The following KAZN variants were observed in gnomAD, a reference collection of about 807,000 sequenced individuals.
KAZN encodes kazrin, periplakin interacting protein.
In KAZN, 40 loss-of-function variants were observed where a neutral mutation model predicts 87.4. The observed-to-expected ratio is 0.46, with a 90% CI of 0.36 to 0.60. The LOEUF (loss-of-function observed/expected upper bound fraction) is 0.60, where lower values mean the gene tolerates loss of function less well. Ranked by LOEUF, KAZN falls within the 20% of genes least tolerant of loss-of-function variation. KAZN has a pLI of 0.00. For missense variants in KAZN, 898 were observed against 1,073.9 expected (o/e 0.84, Z 2.29); for synonymous variants, 466 against 458.3 (o/e 1.02, Z -0.22).
At chr1:14,182,178 G>T (rs11578035) in intron 2 of KAZN, among the ~76,000 whole-genome samples, 44,653 of 151,848 alleles carry the variant, frequency 0.29, 6,904 homozygotes, top group East Asian at 0.47. Context: ...ATTTTCTCCT[G>T]ATCCCAAATC....
intron 2 of KAZN, among the ~76,000 whole-genome samples, chr1:15,003,100 AG>A (rs149923227): frequency 0.1 from 15,306 of 152,024 alleles, 846 homozygotes; most frequent in South Asian, 0.18. Flanking sequence ...AAGGCACCAA[AG>A]GCCCCACGGC....
At chr1:15,017,719 G>A (rs1326287031) in intron 2 of KAZN, among the ~76,000 whole-genome samples, 2 of 152,014 alleles carry the variant, frequency 1.3e-5, no homozygotes, top group Non-Finnish European at 2.9e-5. Context: ...CAGGAGAATC[G>A]CTTGAACCTG....
intron 13 of KAZN, among the ~76,000 whole-genome samples, chr1:15,110,472 T>G (rs1470920091): frequency 1.6e-5 from 2 of 124,386 alleles, no homozygotes. Context: ...TGTTTGTATG[T>G]TTGTGTATTT....
At chr1:14,656,952 G>A (rs1638830862) in intron 1 of KAZN, among the ~76,000 whole-genome samples, 1 of 152,162 alleles carries the variant, frequency 6.6e-6, no homozygotes, top group Admixed American at 6.5e-5. Flanking sequence ...ACTGAAGTTG[G>A]CGGAGATTCC....
intron 2 of KAZN, among the ~76,000 whole-genome samples, chr1:14,537,718 G>T (rs779122460): frequency 6.6e-6 from 1 of 152,172 alleles, no homozygotes. Context: ...TGGAAGAGCT[G>T]TTTGGATCTC....
At chr1:13,902,186 A>C (rs969965306) in intron 1 of KAZN, among the ~76,000 whole-genome samples, 5 of 152,304 alleles carry the variant, frequency 3.3e-5, no homozygotes, top group Middle Eastern at 6.8e-3. Flanking sequence ...AAAGAAGAAA[A>C]ATGGCCCATT....
intron 1 of KAZN, among the ~76,000 whole-genome samples, chr1:13,962,061 G>C (rs193291315): frequency 6.6e-6 from 1 of 152,268 alleles, no homozygotes; most frequent in Admixed American, 6.5e-5. Context: ...CTGGAGCGTT[G>C]GCCATGCAGG....
intron 2 of KAZN, among the ~76,000 whole-genome samples, chr1:14,539,429 T>A (rs1672681238): frequency 6.6e-6 from 1 of 152,190 alleles, no homozygotes; most frequent in Non-Finnish European, 1.5e-5. Context: ...GAGTTAGTAG[T>A]AATGTACCAA....
At chr1:13,940,961 G>A (rs973423009) in intron 1 of KAZN, among the ~76,000 whole-genome samples, 22 of 152,178 alleles carry the variant, frequency 1.4e-4, no homozygotes, top group African/African-American at 3.9e-4. Flanking sequence ...TTGGGAGGCG[G>A]AAGTGGGTGG....
chr1:14,306,829 G>C (rs1248853280), intron 2 of KAZN, among the ~76,000 whole-genome samples: 1 of 152,148 alleles, frequency 6.6e-6, no homozygotes, highest in Non-Finnish European at 1.5e-5. Context: ...TCTACCTACA[G>C]AGACGCCTTC....
At chr1:14,206,654 A>G (rs1557560407) in intron 2 of KAZN, among the ~76,000 whole-genome samples, 1 of 151,388 alleles carries the variant, frequency 6.6e-6, no homozygotes, top group Non-Finnish European at 1.5e-5. Flanking sequence ...TTTTCCTTTT[A>G]TGTATACCCA....
intron 2 of KAZN, among the ~76,000 whole-genome samples, chr1:14,259,053 A>G (rs1173200212): frequency 3.9e-5 from 6 of 152,086 alleles, no homozygotes; most frequent in South Asian, 2.1e-4. Context: ...GACATGTCCA[A>G]CGAGCTGCGG....
intron 2 of KAZN, among the ~76,000 whole-genome samples, chr1:14,365,709 C>T (rs536844423): frequency 6.6e-6 from 1 of 152,274 alleles, no homozygotes; most frequent in East Asian, 1.9e-4. Context: ...CAATCACAAA[C>T]GTCTTCAGAC....
chr1:14,052,013 G>A (rs1056404564), intron 1 of KAZN, among the ~76,000 whole-genome samples: 3 of 152,212 alleles, frequency 2.0e-5, no homozygotes, highest in Admixed American at 2.0e-4. Flanking sequence ...GTATGGCAGT[G>A]GTCCCTTTAT....
At chr1:14,015,196 T>C (rs1640504447) in intron 1 of KAZN, among the ~76,000 whole-genome samples, 1 of 152,128 alleles carries the variant, frequency 6.6e-6, no homozygotes, top group Admixed American at 6.5e-5. Flanking sequence ...TGGCCAACAT[T>C]ATGTGTGTGC....
At chr1:14,544,854 G>A (rs1673043603) in intron 2 of KAZN, among the ~76,000 whole-genome samples, 1 of 151,870 alleles carries the variant, frequency 6.6e-6, no homozygotes, top group Non-Finnish European at 1.5e-5. Context: ...ATAGGTGTAA[G>A]CCACCTCGCC....
At chr1:14,930,649 G>A (rs960026342) in intron 1 of KAZN, among the ~76,000 whole-genome samples, 2 of 152,236 alleles carry the variant, frequency 1.3e-5, no homozygotes, top group African/African-American at 2.4e-5. Flanking sequence ...GCTTGGGAGA[G>A]GTTACACCGG....
intron 2 of KAZN, among the ~76,000 whole-genome samples, chr1:14,211,373 A>G (rs529039280): frequency 6.6e-6 from 1 of 151,870 alleles, no homozygotes; most frequent in East Asian, 1.9e-4. Context: ...GGCACCCACC[A>G]CCACACCCAG....
At chr1:14,630,816 A>G (rs1004643516) in intron 1 of KAZN, among the ~76,000 whole-genome samples, 6 of 152,330 alleles carry the variant, frequency 3.9e-5, no homozygotes, top group Middle Eastern at 3.4e-3. Context: ...ACTGTGGGGA[A>G]GACACGTAAC....
Sources: allele counts gnomAD v4.1 joint callset (sites outside exome capture counted in the v4.1 genomes callset), GRCh38; gene constraint gnomAD v4.1.1; transcripts MANE v1.5; gene names NCBI Gene and HGNC (gene_info 2026-07-23, HGNC 2026-07-21).